The following KRTAP10-7 variants were observed in gnomAD, a reference collection of about 807,000 sequenced individuals.
KRTAP10-7 encodes keratin-associated protein 10-7.
For synonymous variants in KRTAP10-7, 162 were observed against 199.6 expected, an observed-to-expected ratio of 0.81 and a Z score of 1.59; for missense variants, 394 against 474.3, an observed-to-expected ratio of 0.83 and a Z score of 1.57.
rs58559361 is a variant in KRTAP10-7 at position 44,600,614 on chromosome 21, T to C, written c.-8T>C. 27 of 1,609,678 alleles carry C rather than the reference T, an allele frequency of 1.7e-5. No individual in the cohort carries two copies. In the African/African-American group the frequency reaches 2.9e-4, roughly 18 times the overall value. ...CTCACTCCCATCTCCTCCAGTTCAA[T>C]CCCCAGCATGGCTGCGTCCACTATG... On this transcript the variant is annotated 5_prime_UTR_variant, in exon 1 of 1. Coordinates refer to ENST00000609664, the MANE Select transcript of KRTAP10-7 (RefSeq NM_198689.3).
rs1215029042 is a variant in KRTAP10-7, at chr21:44,602,145, C to G, written c.*411C>G. On this transcript the variant is annotated 3_prime_UTR_variant, in exon 1 of 1. Coordinates refer to ENST00000609664, the MANE Select transcript of KRTAP10-7 (RefSeq NM_198689.3). ...CCCTGACCACGGGAGCAGGTCAGAC[C>G]CTTCTAATAAACTCCTTTCCTAAAA... 1.1e-5 allele frequency: 3 copies of G among 276,490 alleles called. No individual in the cohort carries two copies. Among genetic ancestry groups the G allele is most frequent in the African/African-American group, 6.6e-5 (3 of 45,624 alleles). The allele number at this position is 276,490 out of a possible 1,614,324, so 17.1% of individuals were successfully genotyped here.
rs1555928902 is a variant in KRTAP10-7, at chr21:44,601,706, C to T, written c.1085C>T (p.Pro362Leu). 3 of 1,611,948 alleles carry T rather than the reference C, an allele frequency of 1.9e-6. No homozygotes were observed. The highest frequency in any genetic ancestry group is 2.5e-6 in the Non-Finnish European group (3 of 1,178,682). ...TGCTCCCGCCCGGCCTGCTGTGGCC[C>T]CACCTCAACCCAGAAGTCCAGCTGC... Reference protein sequence around the residue: ...PACSRPACCGPTSTQKSSC With the variant: ...PACSRPACCGLTSTQKSSC The change falls in exon 1 of 1, where the codon CCC becomes CTC. Residue 362 changes from proline (P) to leucine (L), a missense_variant. Pro to Leu is a moderately conservative substitution (Grantham distance 98). Transcript: ENST00000609664.
chr21:44,600,793 A>C lies in KRTAP10-7; in HGVS notation c.172A>C (p.Thr58Pro), dbSNP rs1555928431. ...GGCCCCCTGCCTGAGCCTGGTCTGC[A>C]CCCCAGTGAGCTATGTGTCCAGCCC... ...APAPCLSLVC[T>P]PVSYVSSPCC... The change falls in exon 1 of 1, where the codon ACC (threonine) becomes CCC (proline). Residue 58 changes from threonine (T) to proline (P), a missense_variant. By Grantham distance (38) the Thr-to-Pro change is conservative. Coordinates refer to ENST00000609664, the MANE Select transcript of KRTAP10-7 (RefSeq NM_198689.3). 1.3e-6 allele frequency: 2 copies of C among 1,597,630 alleles called. No homozygotes were observed. Among genetic ancestry groups the C allele is most frequent in the African/African-American group, 1.4e-5 (1 of 69,106 alleles).
chr21:44,601,655 G>C lies in KRTAP10-7; in HGVS notation c.1034G>C (p.Cys345Ser). The C allele has an allele frequency of 6.2e-7, 1 of 1,613,104 alleles. No individual in the cohort carries two copies. Among genetic ancestry groups the C allele is most frequent in the Non-Finnish European group, 8.5e-7 (1 of 1,179,432 alleles). The stretch of plus-strand genomic sequence containing the variant: ...GCCAGCTGCTGCCGCCCAGCCTCCT[G>C]TGTGTCTCTCCTTTGCCGCCCCGCA... ...CQASCCRPASCVSLLCRPACS... is the reference protein window; with the variant it reads ...CQASCCRPASSVSLLCRPACS... Residue 345 changes from cysteine (C) to serine (S), a missense_variant, in exon 1 of 1, where the codon TGT becomes TCT. Coordinates refer to ENST00000609664, the MANE Select transcript of KRTAP10-7 (RefSeq NM_198689.3).
chr21:44,601,839 T>A lies in KRTAP10-7; in HGVS notation c.*105T>A. 1 of 1,435,822 alleles carries A rather than the reference T, an allele frequency of 7.0e-7. No individual in the cohort carries two copies. The allele number at this position is 1,435,822 out of a possible 1,614,324, so 88.9% of individuals were successfully genotyped here. On this transcript the variant is annotated 3_prime_UTR_variant, in exon 1 of 1. Coordinates refer to ENST00000609664, the MANE Select transcript of KRTAP10-7 (RefSeq NM_198689.3). Reference sequence around the variant, plus strand: ...CACATCCCGCTCCTAAGCCCTGCAGTGGACGTCAGTGGTCAGCTGGCCATC... The same window carrying A: ...CACATCCCGCTCCTAAGCCCTGCAGAGGACGTCAGTGGTCAGCTGGCCATC...
Position 44,600,726 on chromosome 21 carries a change from C to T in KRTAP10-7, c.105C>T (p.Asp35=), listed in dbSNP as rs373342166. The T allele has an allele frequency of 4.8e-5, 78 of 1,612,580 alleles. 1 individual carries two copies. In the South Asian group the frequency reaches 7.0e-4, roughly 15 times the overall value. ...CDSCSDSWQV[D]DCPESCCEPP... is the part of the protein sequence containing the mutation. The stretch of plus-strand genomic sequence containing the variant: ...CTTGCTCCGACTCCTGGCAGGTGGA[C>T]GACTGCCCAGAGAGCTGCTGCGAGC... The change falls in exon 1 of 1, where the codon GAC becomes GAT. Residue 35 remains aspartate, a synonymous_variant. Coordinates refer to ENST00000609664, the MANE Select transcript of KRTAP10-7 (RefSeq NM_198689.3).
rs201847955 is a variant in KRTAP10-7, at chr21:44,601,269, G to A, written c.648G>A (p.Pro216=). The change falls in exon 1 of 1, where the codon CCG becomes CCA. Residue 216 remains proline, a synonymous_variant. Coordinates refer to ENST00000609664, the MANE Select transcript of KRTAP10-7 (RefSeq NM_198689.3). ...GCTGCCAGCAGTCTAGCTGCAAGCC[G>A]GCTTGCTGCACCTCCTCCCCTTGCC... ...PSCCQQSSCK[P]ACCTSSPCQQ... is the part of the protein sequence containing the mutation. 2.4e-5 allele frequency: 39 copies of A among 1,601,458 alleles called. No homozygotes were observed. Among genetic ancestry groups the A allele is most frequent in the African/African-American group, 1.6e-4 (11 of 70,050 alleles).
In KRTAP10-7 at chr21:44,601,755, C is replaced by T; in HGVS notation, c.*21C>T. ...GCTGAGTGATCTCCTTAAGATCATC[C>T]AAAGCCTGAGTGCTCACTGCCACCT... On this transcript the variant is annotated 3_prime_UTR_variant, in exon 1 of 1. Coordinates refer to ENST00000609664, the MANE Select transcript of KRTAP10-7 (RefSeq NM_198689.3). 6.3e-7 allele frequency: 1 copy of T among 1,594,522 alleles called. No homozygotes were observed. The highest frequency in any genetic ancestry group is 1.7e-4 in the Middle Eastern group (1 of 5,966).
At position 44,601,800 on chromosome 21, in the gene KRTAP10-7, C is replaced by T; in HGVS notation, c.*66C>T. ...CCACCTGCACCCCTGGATTCTTTAC[C>T]CTTGACGGCTCTCCACATCCCGCTC... On this transcript the variant is annotated 3_prime_UTR_variant, in exon 1 of 1. Transcript: ENST00000609664. 2 of 1,555,042 alleles carry T rather than the reference C, an allele frequency of 1.3e-6. No individual in the cohort carries two copies. Among genetic ancestry groups the T allele is most frequent in the Non-Finnish European group, 1.7e-6 (2 of 1,148,784 alleles).
rs1555928737 is a variant in KRTAP10-7 at position 44,601,403 on chromosome 21, G to T, written c.782G>T (p.Ser261Ile). The change falls in exon 1 of 1, where the codon AGC (serine) becomes ATC (isoleucine). Residue 261 changes from serine to isoleucine, a missense_variant. Transcript: ENST00000609664. ...CCAGCTTGCTGCACCTCCTCCCAAA[G>T]CCAGCAGGGCTGCTGCGTGCCCGTC... ...CQPACCTSSQ[S>I]QQGCCVPVCC... is the part of the protein sequence containing the mutation. 1 of 1,612,478 alleles carries T rather than the reference G, an allele frequency of 6.2e-7. No individual in the cohort carries two copies.
rs369885256 is a variant in KRTAP10-7 at position 44,601,628 on chromosome 21, A to G, written c.1007A>G (p.Gln336Arg). The G allele has an allele frequency of 6.2e-5, 100 of 1,611,640 alleles. No individual in the cohort carries two copies. In the African/African-American group the frequency reaches 1.2e-3, roughly 19 times the overall value. The change falls in exon 1 of 1, where the codon CAG becomes CGG. Residue 336 changes from glutamine to arginine, a missense_variant. Transcript: ENST00000609664. ...TGCTGCGCCCCCACCTCCTCCTGCC[A>G]GGCCAGCTGCTGCCGCCCAGCCTCC... is the stretch of plus-strand genomic sequence containing the variant. The part of the protein sequence containing the change: ...PSCCAPTSSC[Q>R]ASCCRPASCV...
Position 44,600,957 on chromosome 21 carries a change from C to G in KRTAP10-7, c.336C>G (p.Pro112=). Residue 112 remains proline, a synonymous_variant, in exon 1 of 1, where the codon CCC becomes CCG. Transcript: ENST00000609664. ...CCTGCCAGCAGGCCTGCTGCGTGCC[C>G]GTCTGCTGCAAGACTGTCTGCTGCA... ...SSPCQQACCV[P]VCCKTVCCKP... 1 of 1,610,770 alleles carries G rather than the reference C, an allele frequency of 6.2e-7. No homozygotes were observed. Among genetic ancestry groups the G allele is most frequent in the Non-Finnish European group, 8.5e-7 (1 of 1,179,384 alleles).
Position 44,601,622 on chromosome 21 carries a change from C to A in KRTAP10-7, c.1001C>A (p.Ser334Tyr), listed in dbSNP as rs587651218. ...PVPSCCAPTS[S>Y]CQASCCRPAS... The stretch of plus-strand genomic sequence containing the variant: ...CCCTCCTGCTGCGCCCCCACCTCCT[C>A]CTGCCAGGCCAGCTGCTGCCGCCCA... The change falls in exon 1 of 1, where the codon TCC (serine) becomes TAC (tyrosine). Residue 334 changes from serine (S) to tyrosine (Y), a missense_variant. Coordinates refer to ENST00000609664, the MANE Select transcript of KRTAP10-7 (RefSeq NM_198689.3). 4 of 1,613,628 alleles carry A rather than the reference C, an allele frequency of 2.5e-6. No homozygotes were observed. Among genetic ancestry groups the A allele is most frequent in the Non-Finnish European group, 2.5e-6 (3 of 1,179,742 alleles).
chr21:44,601,249 CAGCAGTCTAGCTGCA>C lies in KRTAP10-7; in HGVS notation c.632_646del (p.Gln211_Lys215del), dbSNP rs1980859278. On this transcript the variant is annotated inframe_deletion, in exon 1 of 1. Transcript: ENST00000609664. ...CAGCTCCTGCACGCCCTCGTGCTGCCAGCAGTCTAGCTGCAAGCCGGCTTGCTGCACCTCCTCCCC... is the reference window on the plus strand; with the variant it reads ...CAGCTCCTGCACGCCCTCGTGCTGCCAGCCGGCTTGCTGCACCTCCTCCCC... 6.2e-7 allele frequency: 1 copy of C among 1,609,334 alleles called. No homozygotes were observed. The highest frequency in any genetic ancestry group is 1.4e-5 in the African/African-American group (1 of 73,072).
Position 44,601,410 on chromosome 21 carries a change from G to C in KRTAP10-7, c.789G>C (p.Gln263His), listed in dbSNP as rs1980886881. 1 of 1,612,184 alleles carries C rather than the reference G, an allele frequency of 6.2e-7. No individual in the cohort carries two copies. Among genetic ancestry groups the C allele is most frequent in the South Asian group, 1.1e-5 (1 of 90,856 alleles). ...GCTGCACCTCCTCCCAAAGCCAGCA[G>C]GGCTGCTGCGTGCCCGTCTGCTGTA... ...PACCTSSQSQ[Q>H]GCCVPVCCKP... The change falls in exon 1 of 1, where the codon CAG becomes CAC. Residue 263 changes from glutamine (Q) to histidine (H), a missense_variant. Coordinates refer to ENST00000609664, the MANE Select transcript of KRTAP10-7 (RefSeq NM_198689.3).
At position 44,600,638 on chromosome 21, in the gene KRTAP10-7, T is replaced by C. The variant is rs782035901; in HGVS notation, c.17T>C (p.Met6Thr). 9 of 1,613,576 alleles carry C rather than the reference T, an allele frequency of 5.6e-6. No homozygotes were observed. Among genetic ancestry groups the C allele is most frequent in the South Asian group, 2.2e-5 (2 of 91,008 alleles). The change falls in exon 1 of 1, where the codon ATG becomes ACG. Residue 6 changes from methionine to threonine, a missense_variant. Transcript: ENST00000609664. The stretch of plus-strand genomic sequence containing the variant: ...ATCCCCAGCATGGCTGCGTCCACTA[T>C]GTCTGTCTGCTCCAGCGACCTGAGC... MAAST[M>T]SVCSSDLSYG...
Position 44,601,337 on chromosome 21 carries a change from G to A in KRTAP10-7, c.716G>A (p.Cys239Tyr). 1.9e-6 allele frequency: 3 copies of A among 1,613,490 alleles called. No individual in the cohort carries two copies. The highest frequency in any genetic ancestry group is 2.5e-6 in the Non-Finnish European group (3 of 1,179,626). Residue 239 changes from cysteine to tyrosine, a missense_variant, in exon 1 of 1, where the codon TGT becomes TAT. By Grantham distance (194) the Cys-to-Tyr change is radical. Transcript: ENST00000609664. ...CVPVCCKPVC[C>Y]VPTCSDDSGS... ...CCTGTCTGCTGCAAGCCCGTCTGCT[G>A]TGTGCCCACCTGCTCTGATGATTCC...
In KRTAP10-7 at chr21:44,601,475, C is replaced by T; in HGVS notation, c.854C>T (p.Thr285Ile). 6.2e-7 allele frequency: 1 copy of T among 1,613,564 alleles called. No individual in the cohort carries two copies. ...GTGCCCGTCTGCTCTGGGGCTTCCACTTCATGCTGCCAGCAGTCTAGCTGC... is the reference window on the plus strand; with the variant it reads ...GTGCCCGTCTGCTCTGGGGCTTCCATTTCATGCTGCCAGCAGTCTAGCTGC... Reference protein sequence around the residue: ...CCVPVCSGASTSCCQQSSCQP... With the variant: ...CCVPVCSGASISCCQQSSCQP... The change falls in exon 1 of 1, where the codon ACT (threonine) becomes ATT (isoleucine). Residue 285 changes from threonine (T) to isoleucine (I), a missense_variant. Physicochemically the swap from Thr to Ile is moderately conservative, Grantham distance 89. Transcript: ENST00000609664.
In KRTAP10-7 at chr21:44,601,364, G is replaced by C. The variant is rs200049984; in HGVS notation, c.743G>C (p.Gly248Ala). Reference protein sequence around the residue: ...CCVPTCSDDSGSCCQPACCTS... With the variant: ...CCVPTCSDDSASCCQPACCTS... ...GTGCCCACCTGCTCTGATGATTCCG[G>C]TTCATGCTGCCAGCCAGCTTGCTGC... The change falls in exon 1 of 1, where the codon GGT becomes GCT. Residue 248 changes from glycine (G) to alanine (A), a missense_variant. By Grantham distance (60) the Gly-to-Ala change is moderately conservative (BLOSUM62 0). Coordinates refer to ENST00000609664, the MANE Select transcript of KRTAP10-7 (RefSeq NM_198689.3). 4.6e-3 allele frequency: 7,336 copies of C among 1,608,310 alleles called. 34 individuals are homozygous for C. Among genetic ancestry groups the C allele is most frequent in the Non-Finnish European group, 4.9e-3 (5,737 of 1,178,376 alleles).
Sources: gnomAD v4.1 joint callset for allele counts on GRCh38, gnomAD v4.1.1 for gene constraint, MANE v1.5 for transcripts, NCBI Gene and HGNC (gene_info 2026-07-23, HGNC 2026-07-21) for gene names.